The following ZNF618 variants were observed in gnomAD, a reference collection of about 807,000 sequenced individuals.
ZNF618 encodes zinc finger protein 618.
Under a neutral mutation model 103.0 loss-of-function variants are expected in ZNF618, and 34 were observed. That is an observed-to-expected ratio of 0.33 (90% CI 0.25 to 0.44). The LOEUF is 0.44. Ranked by LOEUF, ZNF618 falls within the 20% of genes least tolerant of loss-of-function variation. The probability of loss-of-function intolerance (pLI) is 1.00; values close to 1 mark genes in which losing one functional copy is unlikely to be tolerated. For synonymous variants in ZNF618, 551 were observed against 542.2 expected (o/e 1.02, Z -0.23); for missense variants, 1,059 against 1,295.4 (o/e 0.82, Z 2.80).
chr9:114,016,021 T>A lies in ZNF618; in HGVS notation c.755-674T>A, dbSNP rs1046509461. ...CACCCTCCCCCAAGGGGGTAGATGC[T>A]GCTCTTTGTTTGGGGGTTACAGATG... On this transcript the variant is annotated intron_variant, in intron 9 of 14. Coordinates refer to ENST00000374126, the MANE Select transcript of ZNF618 (RefSeq NM_001318042.2). 3 of 1,244,768 alleles carry A rather than the reference T, an allele frequency of 2.4e-6. No homozygotes were observed. In the African/African-American group the frequency reaches 4.5e-5, roughly 19 times the overall value. The allele number at this position is 1,244,768 out of a possible 1,614,324, so 77.1% of individuals were successfully genotyped here. A position where few individuals can be genotyped will look rare whatever the true frequency, so the allele number is the denominator to read the frequency against.
rs996483208 is a variant in ZNF618 at position 114,052,632 on chromosome 9, C to T, written c.*2465C>T. 6.6e-6 allele frequency: 1 copy of T among 152,232 alleles called. No individual in the cohort carries two copies. The highest frequency in any genetic ancestry group is 1.5e-5 in the Non-Finnish European group (1 of 68,054). The allele number at this position is 152,232 out of a possible 1,614,324, so 9.4% of individuals were successfully genotyped here. On this transcript the variant is annotated 3_prime_UTR_variant, in exon 15 of 15. Coordinates refer to ENST00000374126, the MANE Select transcript of ZNF618 (RefSeq NM_001318042.2). Reference sequence around the variant, plus strand: ...CGTTGCTTGACTGCTGGGGAAGGGACAGTGACCGGCACTTTGACCCACACA... The same window carrying T: ...CGTTGCTTGACTGCTGGGGAAGGGATAGTGACCGGCACTTTGACCCACACA...
chr9:113,988,925 G>C (rs1839756581), intron 3 of ZNF618, among the ~76,000 whole-genome samples: 1 of 151,724 alleles, frequency 6.6e-6, no homozygotes, highest in Non-Finnish European at 1.5e-5. Context: ...TTACTGCTCG[G>C]TGTCCTAAAT....
At chr9:113,934,152 A>T (rs1239292442) in intron 1 of ZNF618, among the ~76,000 whole-genome samples, 1 of 152,134 alleles carries the variant, frequency 6.6e-6, no homozygotes, top group Non-Finnish European at 1.5e-5. Context: ...AAAGTCAGTG[A>T]GCCAGGGGCC....
intron 1 of ZNF618, among the ~76,000 whole-genome samples, chr9:113,880,218 C>G (rs982957207): frequency 6.6e-6 from 1 of 151,922 alleles, no homozygotes; most frequent in Non-Finnish European, 1.5e-5. Flanking sequence ...TGAATTTTTT[C>G]CATGTTCTTG....
intron 1 of ZNF618, among the ~76,000 whole-genome samples, chr9:113,962,887 G>A (rs574905527): frequency 7.2e-5 from 11 of 152,180 alleles, no homozygotes; most frequent in Non-Finnish European, 7.4e-5. Context: ...TAATGTTAGC[G>A]TCTCCCCCCA....
chr9:114,005,601 G>A (rs562394866), intron 6 of ZNF618, among the ~76,000 whole-genome samples: 1 of 152,312 alleles, frequency 6.6e-6, no homozygotes, highest in East Asian at 1.9e-4. Flanking sequence ...CAGCTTAGGA[G>A]AGGAATGTCA....
chr9:113,928,817 AATT>A (rs1181956364), intron 1 of ZNF618, among the ~76,000 whole-genome samples: 5 of 152,024 alleles, frequency 3.3e-5, no homozygotes, highest in African/African-American at 1.2e-4. Flanking sequence ...ATTCAATCTC[AATT>A]ATTATTATTT....
intron 1 of ZNF618, among the ~76,000 whole-genome samples, chr9:113,921,006 C>T (rs969889695): frequency 6.6e-6 from 1 of 152,226 alleles, no homozygotes; most frequent in Admixed American, 6.5e-5. Context: ...ATGCACGCTC[C>T]ATCAGGTTAG....
intron 1 of ZNF618, among the ~76,000 whole-genome samples, chr9:113,933,940 G>A (rs1348880308): frequency 6.6e-6 from 1 of 152,038 alleles, no homozygotes. Context: ...GAGACAGGAT[G>A]CTTGAAATTG....
chr9:114,004,102 C>G lies in ZNF618; in HGVS notation c.550+1440C>G, dbSNP rs189019576. ...CCCCCTGCCCAACAAAACCCCAAAC[C>G]AGAGCAGTTTGAAGAGATGGCGATG... On this transcript the variant is annotated intron_variant, in intron 6 of 14. Transcript: ENST00000374126. Among the ~76,000 whole-genome samples the G allele has an allele frequency of 5.3e-5, 8 of 152,338 alleles. No individual in the cohort carries two copies. In the East Asian group the frequency reaches 1.5e-3, roughly 29 times the overall value.
intron 1 of ZNF618, among the ~76,000 whole-genome samples, chr9:113,904,832 C>G (rs900263363): frequency 6.6e-6 from 1 of 152,300 alleles, no homozygotes. Flanking sequence ...GCCCATCTCT[C>G]TGGCTCTCTC....
intron 1 of ZNF618, among the ~76,000 whole-genome samples, chr9:113,955,200 C>T (rs1319771687): frequency 6.7e-6 from 1 of 150,292 alleles, no homozygotes; most frequent in Non-Finnish European, 1.5e-5. Context: ...CCAAATCAGA[C>T]CCCTTAGAGA....
At position 114,028,729 on chromosome 9, in the gene ZNF618, T is replaced by C. The variant is rs1349426778; in HGVS notation, c.845-4T>C. 6.5e-7 allele frequency: 1 copy of C among 1,549,644 alleles called. No individual in the cohort carries two copies. The highest frequency in any genetic ancestry group is 1.4e-5 in the African/African-American group (1 of 73,044). ...CTCGGGGACTGAGAGCGTGACCCTC[T>C]CAGGTACTGCCCCCGGGTGGGAGCC... On this transcript the variant is annotated splice_region_variant and splice_polypyrimidine_tract_variant and intron_variant, in intron 10 of 14. Coordinates refer to ENST00000374126, the MANE Select transcript of ZNF618 (RefSeq NM_001318042.2).
rs191511626 is a variant in ZNF618, at chr9:114,018,822, G to A, written c.844+2038G>A. 3.9e-5 allele frequency among the ~76,000 whole-genome samples: 6 copies of A among 152,264 alleles called. No individual in the cohort carries two copies. The East Asian group carries it at 1.2e-3, about 29-fold the overall frequency. ...TCTCTGTTACCTACTGAAGTCTGGG[G>A]ACTCAGGGATCATCTGTGTTTAAAA... On this transcript the variant is annotated intron_variant, in intron 10 of 14. Transcript: ENST00000374126.
At chr9:113,917,234 C>A (rs1057113868) in intron 1 of ZNF618, among the ~76,000 whole-genome samples, 1 of 132,948 alleles carries the variant, frequency 7.5e-6, no homozygotes, top group Non-Finnish European at 1.6e-5. Context: ...TTCTCTCTAT[C>A]CTTTTTTTTT....
At chr9:113,999,502 C>T (rs578078213) in intron 4 of ZNF618, among the ~76,000 whole-genome samples, 1 of 152,298 alleles carries the variant, frequency 6.6e-6, no homozygotes, top group African/African-American at 2.4e-5. Context: ...GGTCAGGAGC[C>T]AGCCGAGGAG....
intron 9 of ZNF618, among the ~76,000 whole-genome samples, chr9:114,012,497 G>A (rs1047390870): frequency 6.6e-6 from 1 of 152,196 alleles, no homozygotes; most frequent in African/African-American, 2.4e-5. Flanking sequence ...TTAGGAGTTA[G>A]AGTTTCAACA....
chr9:113,969,900 T>G (rs1321961058), intron 2 of ZNF618, among the ~76,000 whole-genome samples: 1 of 152,150 alleles, frequency 6.6e-6, no homozygotes, highest in Non-Finnish European at 1.5e-5. Flanking sequence ...ATGGCTCCCC[T>G]GAACACATAC....
intron 13 of ZNF618, among the ~76,000 whole-genome samples, chr9:114,041,531 TC>T (rs1845178757): frequency 6.6e-6 from 1 of 152,234 alleles, no homozygotes; most frequent in Non-Finnish European, 1.5e-5. Flanking sequence ...GGATCCAGTT[TC>T]AGCTTTCTAC....
Sources: gnomAD v4.1 joint callset for allele counts (sites outside exome capture counted in the v4.1 genomes callset) on GRCh38, gnomAD v4.1.1 for gene constraint, MANE v1.5 for transcripts, NCBI Gene and HGNC (gene_info 2026-07-23, HGNC 2026-07-21) for gene names.